The following CDC42BPA variants were observed in gnomAD, a reference collection of about 807,000 sequenced individuals.
CDC42BPA encodes the protein serine/threonine-protein kinase MRCK alpha.
In CDC42BPA, 80 loss-of-function variants were observed where a neutral mutation model predicts 223.5. The ratio of observed to expected loss-of-function variants is 0.36; its 90% CI spans 0.30 to 0.43. CDC42BPA has a LOEUF of 0.43. Among genes scored for constraint, CDC42BPA ranks in the 20% least tolerant of loss-of-function variants. The probability of loss-of-function intolerance (pLI) is 1.00; values close to 1 mark genes in which losing one functional copy is unlikely to be tolerated. For missense variants in CDC42BPA, 1,743 were observed against 2,099.9 expected (o/e 0.83, Z 3.32); for synonymous variants, 694 against 718.6 (o/e 0.97, Z 0.55).
chr1:227,042,241 G>C (rs1421018729), intron 23 of CDC42BPA, among the ~76,000 whole-genome samples: 3 of 150,822 alleles, frequency 2.0e-5, no homozygotes, highest in Non-Finnish European at 4.4e-5. Flanking sequence ...CTCTAGGGTT[G>C]ACAAATTTAT....
Position 227,016,935 on chromosome 1 carries a change from C to T in CDC42BPA, c.4731G>A (p.Gln1577=). The T allele has an allele frequency of 6.2e-7, 1 of 1,612,208 alleles. No individual in the cohort carries two copies. The highest frequency in any genetic ancestry group is 8.5e-7 in the Non-Finnish European group (1 of 1,179,078). The stretch of plus-strand genomic sequence containing the variant: ...ACAGGTTAAGTATCTACCTCCTCTG[C>T]TGCATCCTTTCCTCTTCTGGGACTC... ...SFRVPEEERM[Q]QRREMLRDPE... The change falls in exon 33 of 37, where the codon CAG becomes CAA. Residue 1577 remains glutamine, a synonymous_variant. Coordinates refer to ENST00000366766, the MANE Select transcript of CDC42BPA (RefSeq NM_001394014.1).
intron 5 of CDC42BPA, among the ~76,000 whole-genome samples, chr1:227,188,381 A>T (rs1435728375): frequency 6.7e-6 from 1 of 148,330 alleles, no homozygotes; most frequent in Non-Finnish European, 1.5e-5. Flanking sequence ...TAAAAAATAG[A>T]AGTATAATTG....
chr1:227,089,838 T>A (rs1217696353), intron 16 of CDC42BPA, among the ~76,000 whole-genome samples: 1 of 152,122 alleles, frequency 6.6e-6, no homozygotes, highest in Non-Finnish European at 1.5e-5. Context: ...ACAATGAAAT[T>A]AAACCAATAA....
intron 1 of CDC42BPA, among the ~76,000 whole-genome samples, chr1:227,305,233 A>AT (rs975836277): frequency 2.0e-5 from 3 of 152,156 alleles, no homozygotes; most frequent in African/African-American, 7.2e-5. Flanking sequence ...ACTCGAGATT[A>AT]TTTCAAAATT....
intron 23 of CDC42BPA, among the ~76,000 whole-genome samples, chr1:227,040,547 T>G (rs541913762): frequency 2.0e-4 from 30 of 152,178 alleles, no homozygotes; most frequent in Non-Finnish European, 3.7e-4. Flanking sequence ...TTTAATAAAT[T>G]ATCCAAATTA....
intron 35 of CDC42BPA, chr1:227,004,419 T>G (rs1201528921): frequency 1.9e-5 from 3 of 160,072 alleles, no homozygotes; most frequent in Non-Finnish European, 2.8e-5. Flanking sequence ...AGGATTGTTT[T>G]AAGAATGTAA....
intron 17 of CDC42BPA, among the ~76,000 whole-genome samples, chr1:227,078,039 A>G (rs534902781): frequency 7.2e-5 from 11 of 152,280 alleles, no homozygotes; most frequent in African/African-American, 2.6e-4. Flanking sequence ...TCTCCATCTT[A>G]CAAATAAGTG....
intron 5 of CDC42BPA, among the ~76,000 whole-genome samples, chr1:227,169,536 T>A (rs1044855714): frequency 1.3e-5 from 2 of 152,172 alleles, no homozygotes; most frequent in Admixed American, 1.3e-4. Flanking sequence ...ATGTGAGCTG[T>A]CAGTAGACAG....
At chr1:227,073,833 A>G in intron 19 of CDC42BPA, 31 bp downstream of exon 19, 1 of 1,457,338 alleles carries the variant, frequency 6.9e-7, no homozygotes, top group Non-Finnish European at 9.2e-7. Flanking sequence ...CTTAGAAATT[A>G]TTCTAGTGGG....
intron 2 of CDC42BPA, among the ~76,000 whole-genome samples, chr1:227,247,967 G>T (rs1681297736): frequency 6.6e-6 from 1 of 152,046 alleles, no homozygotes; most frequent in African/African-American, 2.4e-5. Flanking sequence ...GTTAAAGAAT[G>T]TATCAGAGTC....
chr1:227,126,656 G>T (rs992963453), intron 11 of CDC42BPA, among the ~76,000 whole-genome samples: 1 of 152,126 alleles, frequency 6.6e-6, no homozygotes, highest in African/African-American at 2.4e-5. Context: ...CATGACCATG[G>T]TTTACAACAG....
chr1:227,112,739 C>A lies in CDC42BPA; in HGVS notation c.1822G>T (p.Asp608Tyr), dbSNP rs753859062. The change falls in exon 13 of 37, where the codon GAC becomes TAC. Residue 608 changes from aspartate to tyrosine, a missense_variant. Transcript: ENST00000366766. Reference sequence around the variant, plus strand: ...CTTTCAACTTTTTGCATCACCAGGTCCACCTCTTCTTCCTTATCTCGGACA... The same window carrying A: ...CTTTCAACTTTTTGCATCACCAGGTACACCTCTTCTTCCTTATCTCGGACA... Reference protein sequence around the residue: ...RHVRDKEEEVDLVMQKVESLR... With the variant: ...RHVRDKEEEVYLVMQKVESLR... 1 of 1,614,064 alleles carries A rather than the reference C, an allele frequency of 6.2e-7. No individual in the cohort carries two copies. Among genetic ancestry groups the A allele is most frequent in the Admixed American group, 1.7e-5 (1 of 60,010 alleles).
At chr1:227,209,458 G>A (rs1673464088) in intron 3 of CDC42BPA, among the ~76,000 whole-genome samples, 1 of 142,466 alleles carries the variant, frequency 7.0e-6, no homozygotes, top group Non-Finnish European at 1.5e-5. Context: ...AATGCTTCCA[G>A]CTTTTGTCCA....
At chr1:227,163,077 T>C (rs1328733663) in intron 5 of CDC42BPA, among the ~76,000 whole-genome samples, 2 of 119,924 alleles carry the variant, frequency 1.7e-5, no homozygotes, top group East Asian at 2.2e-4. Flanking sequence ...TAAATGTGTG[T>C]ATGTTTCCAA....
At chr1:227,092,426 C>T (rs1019974207) in intron 15 of CDC42BPA, among the ~76,000 whole-genome samples, 1 of 152,126 alleles carries the variant, frequency 6.6e-6, no homozygotes, top group Non-Finnish European at 1.5e-5. Context: ...AGTCAGAGAA[C>T]GTACATCAAG....
intron 2 of CDC42BPA, among the ~76,000 whole-genome samples, chr1:227,250,783 GC>G (rs1162588826): frequency 1.3e-5 from 2 of 152,056 alleles, no homozygotes; most frequent in South Asian, 2.1e-4. Context: ...CAGGCACAGT[GC>G]CTCACAACTG....
Position 227,145,838 on chromosome 1 carries a change from A to AT in CDC42BPA, c.895-102dup, listed in dbSNP as rs1660610203. 20 of 885,728 alleles carry AT rather than the reference A, an allele frequency of 2.3e-5. No individual in the cohort carries two copies. The South Asian group carries it at 4.1e-4, about 18-fold the overall frequency. The allele number at this position is 885,728 out of a possible 1,614,324, so 54.9% of individuals were successfully genotyped here. A position where few individuals can be genotyped will look rare whatever the true frequency, so the allele number is the denominator to read the frequency against. ...CTTAAAAATACATTTTATTTTAAAT[A>AT]TATCTAATAACTGCATGTTGGTGCA... is the stretch of plus-strand genomic sequence containing the variant. On this transcript the variant is annotated intron_variant, in intron 7 of 36. Coordinates refer to ENST00000366766, the MANE Select transcript of CDC42BPA (RefSeq NM_001394014.1).
rs151080605 is a variant in CDC42BPA at position 227,193,839 on chromosome 1, C to T, written c.546G>A (p.Leu182=). ...AGTCAATTGCTATCACCATCTCAGC[C>T]AAGTAAAATCTAGCCATATCTTCAG... ...RLPEDMARFY[L]AEMVIAIDSV... The change falls in exon 5 of 37, where the codon TTG becomes TTA. Residue 182 remains leucine, a synonymous_variant. Coordinates refer to ENST00000366766, the MANE Select transcript of CDC42BPA (RefSeq NM_001394014.1). 3.1e-6 allele frequency: 5 copies of T among 1,613,018 alleles called. No homozygotes were observed. The African/African-American group carries it at 5.3e-5, about 17-fold the overall frequency.
chr1:227,055,994 T>C (rs555284677), intron 21 of CDC42BPA, among the ~76,000 whole-genome samples: 10 of 152,216 alleles, frequency 6.6e-5, no homozygotes, highest in African/African-American at 2.2e-4. Flanking sequence ...GCTGTTAGGA[T>C]TTTTCTACTA....
Sources: gnomAD v4.1 joint callset for allele counts (sites outside exome capture counted in the v4.1 genomes callset) on GRCh38, gnomAD v4.1.1 for gene constraint, MANE v1.5 for transcripts, NCBI Gene and HGNC (gene_info 2026-07-23, HGNC 2026-07-21) for gene names.